Variants in LRBA observed in about 807,000 individuals in gnomAD.
LRBA encodes LPS responsive beige-like anchor protein, also known as lipopolysaccharide-responsive and beige-like anchor protein.
Under a neutral mutation model 330.0 loss-of-function variants are expected in LRBA, and 176 were observed. That is an observed-to-expected ratio of 0.53 (90% CI 0.47 to 0.60). LRBA has a LOEUF of 0.60. Ranked by LOEUF, LRBA falls within the 20% of genes least tolerant of loss-of-function variation. The pLI, the probability that LRBA is intolerant of heterozygous loss-of-function variation, is 0.00. For synonymous variants in LRBA, 1,230 were observed against 1,193.0 expected (o/e 1.03, Z -0.64); for missense variants, 3,259 against 3,444.8 (o/e 0.95, Z 1.35).
At chr4:150,369,857 T>C (rs1002734617) in intron 47 of LRBA, among the ~76,000 whole-genome samples, 1 of 152,156 alleles carries the variant, frequency 6.6e-6, no homozygotes, top group Non-Finnish European at 1.5e-5. Context: ...GAGGCAGCAT[T>C]TTTTAAAGAG....
chr4:150,489,126 T>TC (rs1758330140), intron 41 of LRBA, among the ~76,000 whole-genome samples: 2 of 118,382 alleles, frequency 1.7e-5, no homozygotes, highest in Admixed American at 1.1e-4. Context: ...ATATAATATA[T>TC]AAGAATATAT....
intron 42 of LRBA, among the ~76,000 whole-genome samples, chr4:150,473,480 G>A (rs995376097): frequency 2.6e-5 from 4 of 152,238 alleles, no homozygotes; most frequent in Middle Eastern, 3.4e-3. Flanking sequence ...TTAGTAATGC[G>A]GACTGCTCTC....
At chr4:150,787,213 C>T (rs1739210529) in intron 34 of LRBA, among the ~76,000 whole-genome samples, 1 of 150,472 alleles carries the variant, frequency 6.6e-6, no homozygotes, top group Admixed American at 6.6e-5. Flanking sequence ...CAGACAGACT[C>T]CATCTCAAAA....
intron 49 of LRBA, among the ~76,000 whole-genome samples, chr4:150,323,928 G>T (rs1358233270): frequency 6.6e-6 from 1 of 152,186 alleles, no homozygotes; most frequent in South Asian, 2.1e-4. Context: ...GGTTTCATCA[G>T]TTTTCCCAGA....
chr4:150,449,534 A>C (rs890858093), intron 44 of LRBA, among the ~76,000 whole-genome samples: 1 of 151,898 alleles, frequency 6.6e-6, no homozygotes, highest in Non-Finnish European at 1.5e-5. Context: ...AAAAAAAAAA[A>C]AAAACCAGAA....
chr4:150,790,881 G>C (rs1417384776), intron 34 of LRBA, among the ~76,000 whole-genome samples: 1 of 152,166 alleles, frequency 6.6e-6, no homozygotes, highest in Non-Finnish European at 1.5e-5. Context: ...AACAATATGA[G>C]TGTATTAGAA....
At chr4:150,365,122 G>A (rs962811167) in intron 47 of LRBA, among the ~76,000 whole-genome samples, 1 of 151,934 alleles carries the variant, frequency 6.6e-6, no homozygotes, top group Non-Finnish European at 1.5e-5. Context: ...TGATCATCTG[G>A]CTTCAGCCTC....
intron 4 of LRBA, among the ~76,000 whole-genome samples, chr4:150,922,954 G>A (rs1167207380): frequency 6.6e-6 from 1 of 152,106 alleles, no homozygotes; most frequent in Non-Finnish European, 1.5e-5. Flanking sequence ...GTCAGGATGA[G>A]AACTCAATCT....
At chr4:150,572,150 A>G (rs542303223) in intron 40 of LRBA, among the ~76,000 whole-genome samples, 2 of 152,246 alleles carry the variant, frequency 1.3e-5, no homozygotes, top group East Asian at 3.9e-4. Context: ...AGCAAAAATC[A>G]ACATTATTTC....
chr4:150,484,944 G>C (rs1305478324), intron 42 of LRBA, among the ~76,000 whole-genome samples: 1 of 151,802 alleles, frequency 6.6e-6, no homozygotes, highest in African/African-American at 2.4e-5. Context: ...AATCTCAAGA[G>C]ATTTTCCAAA....
At chr4:150,362,069 G>T (rs1337208300) in intron 47 of LRBA, among the ~76,000 whole-genome samples, 2 of 152,198 alleles carry the variant, frequency 1.3e-5, no homozygotes, top group African/African-American at 4.8e-5. Flanking sequence ...ACCGCGCCTC[G>T]CCCATCACAC....
At chr4:150,563,370 C>T (rs2152273536) in intron 40 of LRBA, among the ~76,000 whole-genome samples, 1 of 152,254 alleles carries the variant, frequency 6.6e-6, no homozygotes, top group South Asian at 2.1e-4. Context: ...ATGTTAAAAA[C>T]TCTCAATAAA....
intron 50 of LRBA, among the ~76,000 whole-genome samples, chr4:150,318,199 T>A (rs143434620): frequency 0.011 from 1,647 of 152,290 alleles, 27 homozygotes; most frequent in African/African-American, 0.038. Context: ...AGCACTGTTC[T>A]TTTTGGCCAC....
At chr4:150,646,820 GC>G (rs1779182474) in intron 37 of LRBA, among the ~76,000 whole-genome samples, 1 of 152,064 alleles carries the variant, frequency 6.6e-6, no homozygotes, top group South Asian at 2.1e-4. Flanking sequence ...GACATAACAT[GC>G]AAAAGAAATG....
chr4:150,935,166 A>C lies in LRBA; in HGVS notation c.217-6101T>G, dbSNP rs1410580274. On this transcript the variant is annotated intron_variant, in intron 2 of 56. Coordinates refer to ENST00000651943, the MANE Select transcript of LRBA (RefSeq NM_001364905.1). The stretch of plus-strand genomic sequence containing the variant: ...ACTCCAGCCTGGTCAACAAAGCAAA[A>C]CTCCGTCTCACGAAAAAAAAAAAAA... Among the ~76,000 whole-genome samples the C allele has an allele frequency of 4.1e-5, 5 of 122,704 alleles. No homozygotes were observed. The East Asian group carries it at 9.5e-4, about 23-fold the overall frequency. The allele number at this position is 122,704 out of a possible 152,430, so 80.5% of individuals were successfully genotyped here. A position where few individuals can be genotyped will look rare whatever the true frequency, so the allele number is the denominator to read the frequency against.
intron 38 of LRBA, 76 bp downstream of exon 38, chr4:150,598,931 G>C (rs1306678564): frequency 5.2e-6 from 8 of 1,550,384 alleles, no homozygotes; most frequent in Non-Finnish European, 7.1e-6. Flanking sequence ...ACAGTGCCTT[G>C]TAATAATGAA....
intron 40 of LRBA, among the ~76,000 whole-genome samples, chr4:150,524,133 C>T (rs561469409): frequency 2.3e-4 from 35 of 152,120 alleles, no homozygotes; most frequent in Non-Finnish European, 4.1e-4. Flanking sequence ...TATATATTAT[C>T]TAAGGATACA....
At chr4:150,729,326 T>C (rs1319011535) in intron 36 of LRBA, among the ~76,000 whole-genome samples, 1 of 152,034 alleles carries the variant, frequency 6.6e-6, no homozygotes, top group East Asian at 1.9e-4. Context: ...AATCAATCAA[T>C]ATCAGTAGCA....
In LRBA at chr4:150,285,935, T is replaced by C. The variant is rs1213855361; in HGVS notation, c.8117A>G (p.Gln2706Arg). ...AELGLVLSGS[Q>R]EGPCLIHSMN... ...TTGTGAAGGTACCACAGGTTTACCT[T>C]GTGAACCACTCAACACCAGGCCTAG... The change falls in exon 54 of 57, where the codon CAA becomes CGA. Residue 2706 changes from glutamine to arginine, a missense_variant and splice_region_variant. Coordinates refer to ENST00000651943, the MANE Select transcript of LRBA (RefSeq NM_001364905.1). The C allele has an allele frequency of 1.9e-6, 3 of 1,563,484 alleles. No individual in the cohort carries two copies. Among genetic ancestry groups the C allele is most frequent in the Non-Finnish European group, 2.6e-6 (3 of 1,158,796 alleles).
Sources: allele counts gnomAD v4.1 joint callset (sites outside exome capture counted in the v4.1 genomes callset), GRCh38; gene constraint gnomAD v4.1.1; transcripts MANE v1.5; gene names NCBI Gene and HGNC (gene_info 2026-07-23, HGNC 2026-07-21).